The following NRXN3 variants were observed in gnomAD, a reference collection of about 807,000 sequenced individuals.
NRXN3 encodes the protein neurexin 3.
In NRXN3, 32 loss-of-function variants were observed where a neutral mutation model predicts 137.6. That is an observed-to-expected ratio of 0.23 (90% CI 0.18 to 0.31). NRXN3 has a LOEUF of 0.31. Among genes scored for constraint, NRXN3 ranks in the 10% least tolerant of loss-of-function variants. The probability of loss-of-function intolerance (pLI) is 1.00; values close to 1 mark genes in which losing one functional copy is unlikely to be tolerated. For missense variants in NRXN3, 1,574 were observed against 2,062.5 expected (o/e 0.76, Z 4.59); for synonymous variants, 798 against 784.5 (o/e 1.02, Z -0.29).
At chr14:78,684,847 A>C (rs1194378624) in intron 6 of NRXN3, among the ~76,000 whole-genome samples, 1 of 152,204 alleles carries the variant, frequency 6.6e-6, no homozygotes, top group African/African-American at 2.4e-5. Context: ...AAGAGTATTG[A>C]AAGCTGAATT....
At chr14:79,634,617 C>CA (rs1266219458) in intron 16 of NRXN3, among the ~76,000 whole-genome samples, 1 of 152,122 alleles carries the variant, frequency 6.6e-6, no homozygotes, top group Non-Finnish European at 1.5e-5. Context: ...AATGGAGACT[C>CA]AAAGCGGTTA....
Position 79,681,067 on chromosome 14 carries a change from C to G in NRXN3, c.3617-11106C>G, listed in dbSNP as rs192930718. ...CAGCCTTACCCTCTCCTCTCAGGAA[C>G]TGCATTATTGCATCTCTTCTTTTGG... On this transcript the variant is annotated intron_variant, in intron 17 of 20. Transcript: ENST00000335750. Among the ~76,000 whole-genome samples, 42 of 152,344 alleles carry G rather than the reference C, an allele frequency of 2.8e-4. No homozygotes were observed. In the East Asian group the frequency reaches 7.5e-3, roughly 27 times the overall value.
chr14:79,185,665 C>T (rs1393543638), intron 15 of NRXN3, among the ~76,000 whole-genome samples: 1 of 151,972 alleles, frequency 6.6e-6, no homozygotes, highest in Admixed American at 6.6e-5. Context: ...CAGGGTTTCA[C>T]CATGTTAGCC....
intron 8 of NRXN3, among the ~76,000 whole-genome samples, chr14:78,767,467 A>T (rs375156553): frequency 6.6e-6 from 1 of 152,236 alleles, no homozygotes; most frequent in South Asian, 2.1e-4. Context: ...GTGAATATCA[A>T]GAGGTGAAGA....
chr14:78,831,979 C>G (rs992258050), intron 10 of NRXN3, among the ~76,000 whole-genome samples: 3 of 151,898 alleles, frequency 2.0e-5, no homozygotes, highest in African/African-American at 7.3e-5. Flanking sequence ...CAGCATGTTT[C>G]TCAGTGGGGA....
chr14:79,241,463 G>C (rs2074274961), intron 15 of NRXN3, among the ~76,000 whole-genome samples: 1 of 152,142 alleles, frequency 6.6e-6, no homozygotes, highest in Non-Finnish European at 1.5e-5. Flanking sequence ...CATGGCGGCA[G>C]GCAAGAGAAC....
intron 4 of NRXN3, among the ~76,000 whole-genome samples, chr14:78,583,441 AC>A (rs2097025503): frequency 6.6e-6 from 1 of 151,886 alleles, no homozygotes; most frequent in Non-Finnish European, 1.5e-5. Context: ...AAAAAAACAA[AC>A]CCCAAAAAGT....
rs2099684654 is a variant in NRXN3 at position 79,069,357 on chromosome 14, T to C, written c.3262+81216T>C. ...CCACACCCAGTTGGTATGAAGACAT[T>C]AAGTAATTAATTAATTCAATAACTA... On this transcript the variant is annotated intron_variant, in intron 15 of 20. Coordinates refer to ENST00000335750, the MANE Select transcript of NRXN3 (RefSeq NM_001330195.2). Among the ~76,000 whole-genome samples the C allele has an allele frequency of 1.3e-5, 2 of 152,090 alleles. 1 individual carries two copies. Among genetic ancestry groups the C allele is most frequent in the East Asian group, 3.9e-4 (2 of 5,194 alleles).
chr14:79,144,381 T>A (rs1323747098), intron 15 of NRXN3, among the ~76,000 whole-genome samples: 1 of 152,176 alleles, frequency 6.6e-6, no homozygotes, highest in Non-Finnish European at 1.5e-5. Flanking sequence ...AAAACTCGGA[T>A]GCATGTCTCC....
At chr14:78,999,834 A>G (rs973672744) in intron 15 of NRXN3, among the ~76,000 whole-genome samples, 3 of 152,142 alleles carry the variant, frequency 2.0e-5, no homozygotes, top group Non-Finnish European at 4.4e-5. Context: ...TCACTTCCAA[A>G]GTGATGTTGT....
intron 15 of NRXN3, among the ~76,000 whole-genome samples, chr14:79,456,951 C>T (rs1339068478): frequency 6.6e-6 from 1 of 151,680 alleles, no homozygotes; most frequent in Non-Finnish European, 1.5e-5. Flanking sequence ...ACTTTCTCCC[C>T]ATAAGCAGAA....
At chr14:78,182,185 C>T (rs2059866115) in intron 1 of NRXN3, among the ~76,000 whole-genome samples, 1 of 152,078 alleles carries the variant, frequency 6.6e-6, no homozygotes. Context: ...AAGGGCTTCA[C>T]AAGTATCACC....
intron 16 of NRXN3, among the ~76,000 whole-genome samples, chr14:79,509,867 T>C (rs2096915694): frequency 6.6e-6 from 1 of 152,128 alleles, no homozygotes; most frequent in Admixed American, 6.6e-5. Context: ...CTCAATGAAC[T>C]GAAGGTTTTG....
chr14:78,190,302 C>G (rs905376829), intron 1 of NRXN3, among the ~76,000 whole-genome samples: 2 of 152,180 alleles, frequency 1.3e-5, no homozygotes, highest in Non-Finnish European at 2.9e-5. Context: ...AATACCTGTG[C>G]CATGTGCATT....
chr14:78,548,512 A>G (rs1232326899), intron 4 of NRXN3, among the ~76,000 whole-genome samples: 3 of 152,196 alleles, frequency 2.0e-5, no homozygotes, highest in Non-Finnish European at 4.4e-5. Context: ...AATAAACTCC[A>G]CATACTGTAT....
At chr14:79,189,259 T>C (rs1597056047) in intron 15 of NRXN3, among the ~76,000 whole-genome samples, 1 of 151,824 alleles carries the variant, frequency 6.6e-6, no homozygotes, top group East Asian at 2.0e-4. Context: ...AAACTGGAAA[T>C]CATCATTCTC....
At chr14:78,226,058 C>T (rs1047662949) in intron 1 of NRXN3, among the ~76,000 whole-genome samples, 1 of 150,696 alleles carries the variant, frequency 6.6e-6, no homozygotes, top group African/African-American at 2.4e-5. Flanking sequence ...GGCTAGAATG[C>T]AGTGGCCTGA....
intron 20 of NRXN3, 140 bp downstream of exon 20, chr14:79,805,330 A>G (rs181440056): frequency 2.7e-5 from 10 of 376,328 alleles, no homozygotes; most frequent in South Asian, 2.6e-4. Flanking sequence ...CTATATATGT[A>G]TAAGTATACA....
intron 16 of NRXN3, among the ~76,000 whole-genome samples, chr14:79,487,248 T>C (rs1459567814): frequency 6.6e-6 from 1 of 152,146 alleles, no homozygotes; most frequent in East Asian, 1.9e-4. Flanking sequence ...ATGTTAGCTA[T>C]TTTTATTATT....
Sources: allele counts gnomAD v4.1 joint callset (sites outside exome capture counted in the v4.1 genomes callset), GRCh38; gene constraint gnomAD v4.1.1; transcripts MANE v1.5; gene names NCBI Gene and HGNC (gene_info 2026-07-23, HGNC 2026-07-21).